DNTT: variants seen among roughly 807,000 people sequenced by gnomAD.
DNTT encodes DNA nucleotidylexotransferase.
In DNTT, 47 loss-of-function variants were observed where a neutral mutation model predicts 60.9. The ratio of observed to expected loss-of-function variants is 0.77; its 90% CI spans 0.61 to 0.98. The LOEUF (loss-of-function observed/expected upper bound fraction) is 0.98. Ranked by LOEUF, DNTT falls within the 50% of genes least tolerant of loss-of-function variation. DNTT has a pLI of 0.00. For missense variants in DNTT, 665 were observed against 627.5 expected (o/e 1.06, Z -0.64); for synonymous variants, 224 against 221.2 (o/e 1.01, Z -0.11).
intron 9 of DNTT, among the ~76,000 whole-genome samples, chr10:96,335,352 G>A (rs564054200): frequency 6.6e-6 from 1 of 152,272 alleles, no homozygotes; most frequent in South Asian, 2.1e-4. Flanking sequence ...GGATGTTAAA[G>A]CCAGAGGGAG....
At chr10:96,334,729 T>A (rs977830545) in intron 9 of DNTT, among the ~76,000 whole-genome samples, 1 of 152,204 alleles carries the variant, frequency 6.6e-6, no homozygotes, top group African/African-American at 2.4e-5. Flanking sequence ...AAATATATCA[T>A]AAATGCAACT....
chr10:96,328,313 T>G (rs908222031), intron 7 of DNTT, among the ~76,000 whole-genome samples: 4 of 152,174 alleles, frequency 2.6e-5, no homozygotes, highest in Non-Finnish European at 5.9e-5. Context: ...AGGAAGAAAG[T>G]AAGAGAAGAT....
At chr10:96,306,223 A>T (rs1487257158) in intron 1 of DNTT, among the ~76,000 whole-genome samples, 1 of 151,032 alleles carries the variant, frequency 6.6e-6, no homozygotes, top group Non-Finnish European at 1.5e-5. Context: ...CCTCCCAAGT[A>T]GCTGGGACTA....
chr10:96,328,599 T>A, intron 7 of DNTT, 126 bp from the exon 8 acceptor site: 1 of 863,972 alleles, frequency 1.2e-6, no homozygotes, highest in Non-Finnish European at 1.7e-6. Context: ...TTTTGTTTCT[T>A]AAAAAAAAGT....
chr10:96,323,944 G>A (rs1377531085), intron 5 of DNTT, among the ~76,000 whole-genome samples: 1 of 152,176 alleles, frequency 6.6e-6, no homozygotes, highest in African/African-American at 2.4e-5. Flanking sequence ...GCAAAAGGGA[G>A]AGCCCTATAG....
At chr10:96,317,161 A>G (rs1370984497) in intron 1 of DNTT, among the ~76,000 whole-genome samples, 1 of 152,236 alleles carries the variant, frequency 6.6e-6, no homozygotes, top group Non-Finnish European at 1.5e-5. Context: ...GCTGAATGTG[A>G]AGACTTATTA....
At chr10:96,321,981 G>A (rs1426097117) in intron 4 of DNTT, among the ~76,000 whole-genome samples, 1 of 152,154 alleles carries the variant, frequency 6.6e-6, no homozygotes, top group East Asian at 1.9e-4. Context: ...CTTGACAGCA[G>A]GGAAATGGTC....
intron 8 of DNTT, among the ~76,000 whole-genome samples, chr10:96,329,232 T>C (rs1564874253): frequency 6.6e-6 from 1 of 152,216 alleles, no homozygotes; most frequent in Non-Finnish European, 1.5e-5. Flanking sequence ...TAAGAGGTGT[T>C]GATAGTGCCT....
At chr10:96,332,276 C>T (rs1268946411) in intron 8 of DNTT, 75 bp from the exon 9 acceptor site, 11 of 1,554,648 alleles carry the variant, frequency 7.1e-6, no homozygotes, top group Non-Finnish European at 9.5e-6. Flanking sequence ...GAAAAGATTT[C>T]ATTAAGAATC....
intron 1 of DNTT, among the ~76,000 whole-genome samples, chr10:96,313,107 T>C (rs1190992430): frequency 1.3e-5 from 2 of 152,164 alleles, no homozygotes; most frequent in Admixed American, 1.3e-4. Flanking sequence ...ATGCCAGTTC[T>C]CTCAGAATTG....
At chr10:96,317,674 C>T (rs933649405) in intron 1 of DNTT, among the ~76,000 whole-genome samples, 2 of 152,126 alleles carry the variant, frequency 1.3e-5, no homozygotes, top group African/African-American at 2.4e-5. Context: ...GAGAGAGCTG[C>T]CTTCCCCTTC....
At position 96,314,613 on chromosome 10, in the gene DNTT, C is replaced by T. The variant is rs188834826; in HGVS notation, c.204-3739C>T. Among the ~76,000 whole-genome samples the T allele has an allele frequency of 5.6e-3, 838 of 149,704 alleles. 4 individuals are homozygous for T. Among genetic ancestry groups the T allele is most frequent in the Non-Finnish European group, 8.6e-3 (584 of 67,644 alleles). ...ATTTTTAGTAGAGACAGGGTTTCAC[C>T]GTGTTAGCCAGGATGGTCTTGATCT... is the stretch of plus-strand genomic sequence containing the variant. On this transcript the variant is annotated intron_variant, in intron 1 of 10. Coordinates refer to ENST00000371174, the MANE Select transcript of DNTT (RefSeq NM_004088.4).
intron 1 of DNTT, chr10:96,306,822 C>T (rs910106983): frequency 6.6e-6 from 1 of 152,246 alleles, no homozygotes; most frequent in Non-Finnish European, 1.5e-5. Flanking sequence ...CAAATGTGCT[C>T]TATGGCGCAA....
intron 3 of DNTT, 80 bp downstream of exon 3, chr10:96,319,470 A>AT: frequency 6.3e-7 from 1 of 1,581,766 alleles, no homozygotes; most frequent in Non-Finnish European, 8.6e-7. Flanking sequence ...TAAATTATAA[A>AT]TTTTTCTGAA....
chr10:96,325,985 G>A (rs1166610167), intron 6 of DNTT, among the ~76,000 whole-genome samples: 1 of 152,202 alleles, frequency 6.6e-6, no homozygotes, highest in Non-Finnish European at 1.5e-5. Flanking sequence ...TATACTGTGT[G>A]ATAAGTTTCC....
At chr10:96,323,032 C>T (rs1280750362) in intron 5 of DNTT, among the ~76,000 whole-genome samples, 1 of 152,164 alleles carries the variant, frequency 6.6e-6, no homozygotes, top group Admixed American at 6.5e-5. Context: ...CTGGGCCGGG[C>T]ACCATAGCTC....
In DNTT at chr10:96,320,605, T is replaced by C. The variant is rs1417374764; in HGVS notation, c.508-13T>C. The C allele has an allele frequency of 5.6e-6, 9 of 1,612,848 alleles. 1 individual carries two copies. The East Asian group carries it at 2.0e-4, about 36-fold the overall frequency. On this transcript the variant is annotated splice_polypyrimidine_tract_variant and intron_variant, in intron 3 of 10. Transcript: ENST00000371174. ...GGAAGCAAATCTCCTGCTTATCTGG[T>C]TTTATCCTGCAGGATGCCTTTGATA...
rs527742477 is a variant in DNTT, at chr10:96,319,447, G to C, written c.507+57G>C. ...AACGAAGGGCTTGCAGCTTCTTTCT[G>C]TGGACCGCAAATTAAATTATAAATT... On this transcript the variant is annotated intron_variant, in intron 3 of 10. Coordinates refer to ENST00000371174, the MANE Select transcript of DNTT (RefSeq NM_004088.4). The C allele has an allele frequency of 1.4e-5, 22 of 1,597,662 alleles. No homozygotes were observed. In the African/African-American group the frequency reaches 2.6e-4, roughly 19 times the overall value.
chr10:96,313,476 C>T (rs550140443), intron 1 of DNTT, among the ~76,000 whole-genome samples: 1 of 152,182 alleles, frequency 6.6e-6, no homozygotes, highest in East Asian at 1.9e-4. Context: ...ACAAAGCTCC[C>T]CTCAGGCATC....
Sources: allele counts gnomAD v4.1 joint callset (sites outside exome capture counted in the v4.1 genomes callset), GRCh38; gene constraint gnomAD v4.1.1; transcripts MANE v1.5; gene names NCBI Gene and HGNC (gene_info 2026-07-23, HGNC 2026-07-21).